AGMO: variants seen among roughly 807,000 people sequenced by gnomAD.
AGMO encodes the protein glyceryl-ether monooxygenase.
A neutral mutation model predicts 60.2 loss-of-function variants in AGMO; 75 were observed. The ratio of observed to expected loss-of-function variants is 1.25; its 90% CI spans 1.03 to 1.51. The LOEUF (loss-of-function observed/expected upper bound fraction) is 1.51. Among genes scored for constraint, AGMO ranks in the 40% most tolerant of loss-of-function variants. AGMO has a pLI of 0.00. For missense variants in AGMO, 763 were observed against 525.5 expected (o/e 1.45, Z -4.42); for synonymous variants, 261 against 177.1 (o/e 1.47, Z -3.76).
At chr7:15,466,421 A>G (rs1344587931) in intron 3 of AGMO, among the ~76,000 whole-genome samples, 1 of 152,182 alleles carries the variant, frequency 6.6e-6, no homozygotes, top group African/African-American at 2.4e-5. Context: ...TATATGCAAC[A>G]TATCACCGTG....
chr7:15,272,054 T>C (rs541167219), intron 12 of AGMO, among the ~76,000 whole-genome samples: 41 of 152,280 alleles, frequency 2.7e-4, no homozygotes, highest in African/African-American at 9.4e-4. Flanking sequence ...ATTATCTTTT[T>C]GATGTGCTAC....
chr7:15,499,133 T>C (rs986618023), intron 3 of AGMO, among the ~76,000 whole-genome samples: 18 of 151,858 alleles, frequency 1.2e-4, no homozygotes, highest in African/African-American at 4.3e-4. Flanking sequence ...TAGGGAATGA[T>C]AGATAAAAAC....
intron 8 of AGMO, among the ~76,000 whole-genome samples, chr7:15,388,762 T>C (rs188978978): frequency 4.6e-5 from 7 of 152,264 alleles, no homozygotes; most frequent in Admixed American, 2.6e-4. Context: ...TACCTGTATA[T>C]AAAGGAATGG....
the AGMO span, among the ~76,000 whole-genome samples, chr7:15,130,135 T>C: frequency 6.6e-6 from 1 of 152,138 alleles, no homozygotes; most frequent in African/African-American, 2.4e-5. Context: ...TATTTTATTA[T>C]AGTTAGCATA....
chr7:15,364,527 C>T (rs973608603), intron 12 of AGMO, among the ~76,000 whole-genome samples: 48 of 152,024 alleles, frequency 3.2e-4, no homozygotes, highest in Admixed American at 2.7e-3. Context: ...CCATTCATGG[C>T]CTTTAAGTTG....
rs114946894 is a variant in AGMO at position 15,529,176 on chromosome 7, G to A, written c.409+15596C>T. On this transcript the variant is annotated intron_variant, in intron 3 of 12. Coordinates refer to ENST00000342526, the MANE Select transcript of AGMO (RefSeq NM_001004320.2). ...AATCGATTTATTGCTCAATTTCTTA[G>A]GTATAATCATGGTGTTTTTAAAAGA... Among the ~76,000 whole-genome samples, 1,182 of 151,916 alleles carry A rather than the reference G, an allele frequency of 7.8e-3. 19 individuals are homozygous for A. Among genetic ancestry groups the A allele is most frequent in the African/African-American group, 0.027 (1,123 of 41,410 alleles).
intron 6 of AGMO, among the ~76,000 whole-genome samples, chr7:15,392,804 AAACAAAC>A (rs377197717): frequency 0.31 from 38,571 of 124,656 alleles, 5,535 homozygotes; most frequent in Middle Eastern, 0.46. Flanking sequence ...GTCTCAAAAC[AAACAAAC>A]AAACAAACAA....
chr7:15,448,343 G>C (rs1781759261), intron 3 of AGMO, among the ~76,000 whole-genome samples: 1 of 152,278 alleles, frequency 6.6e-6, no homozygotes, highest in African/African-American at 2.4e-5. Flanking sequence ...TGCCATATGA[G>C]TTTACAATGA....
chr7:15,201,096 C>G lies in AGMO; in HGVS notation c.*189G>C. 1 of 417,374 alleles carries G rather than the reference C, an allele frequency of 2.4e-6. No individual in the cohort carries two copies. Among genetic ancestry groups the G allele is most frequent in the East Asian group, 3.7e-5 (1 of 27,266 alleles). The allele number at this position is 417,374 out of a possible 1,614,324, so 25.9% of individuals were successfully genotyped here. On this transcript the variant is annotated 3_prime_UTR_variant, in exon 13 of 13. Coordinates refer to ENST00000342526, the MANE Select transcript of AGMO (RefSeq NM_001004320.2). ...AATTGTAGTAAAGGGGGGAAGTAAC[C>G]AAAACTGACTTTAATTTTTAATAGA... is the stretch of plus-strand genomic sequence containing the variant.
At position 15,443,823 on chromosome 7, in the gene AGMO, CCTT is replaced by C. The variant is rs1231453861; in HGVS notation, c.410-12718_410-12716del. On this transcript the variant is annotated intron_variant, in intron 3 of 12. Transcript: ENST00000342526. ...TATTGAAAAAAATCTGTATCTTCCT[CCTT>C]CTCATGTACTGTTCTCTGAGCTTTT... Among the ~76,000 whole-genome samples, 9 of 152,258 alleles carry C rather than the reference CCTT, an allele frequency of 5.9e-5. No homozygotes were observed. The South Asian group carries it at 6.2e-4, about 11-fold the overall frequency.
intron 3 of AGMO, among the ~76,000 whole-genome samples, chr7:15,531,631 T>TTCTATATATATTCTATATATATAC: frequency 8.0e-6 from 1 of 125,620 alleles, no homozygotes. Context: ...TATATATATA[T>TTCTATATATATTCTATATATATAC]TCTATATATA....
chr7:15,301,069 C>G (rs1013958114), intron 12 of AGMO, among the ~76,000 whole-genome samples: 1 of 152,064 alleles, frequency 6.6e-6, no homozygotes, highest in African/African-American at 2.4e-5. Flanking sequence ...TTTAAGAAAT[C>G]TTTTCTATAT....
chr7:15,354,203 CCCA>C (rs1313722240), intron 12 of AGMO, among the ~76,000 whole-genome samples: 1 of 150,292 alleles, frequency 6.7e-6, no homozygotes, highest in South Asian at 2.1e-4. Context: ...TCAACTTAGC[CCCA>C]CAACTCAGTC....
the AGMO span, among the ~76,000 whole-genome samples, chr7:15,126,530 G>A: frequency 2.0e-5 from 3 of 152,150 alleles, no homozygotes; most frequent in East Asian, 5.8e-4. Flanking sequence ...TAAACTTGCG[G>A]ACTAAGCTCT....
intron 3 of AGMO, among the ~76,000 whole-genome samples, chr7:15,443,277 GAAGCTGTAAA>G (rs2128502905): frequency 6.6e-6 from 1 of 152,292 alleles, no homozygotes; most frequent in Admixed American, 6.5e-5. Context: ...TGCGGCCTCA[GAAGCTGTAAA>G]CATTCACCCC....
At chr7:15,399,051 A>C (rs1450574799) in intron 5 of AGMO, among the ~76,000 whole-genome samples, 1 of 152,192 alleles carries the variant, frequency 6.6e-6, no homozygotes, top group Non-Finnish European at 1.5e-5. Flanking sequence ...AGGTATTTAT[A>C]AAGATCCCAG....
chr7:15,187,249 C>T, the AGMO span, among the ~76,000 whole-genome samples: 1 of 152,168 alleles, frequency 6.6e-6, no homozygotes, highest in Non-Finnish European at 1.5e-5. Flanking sequence ...GTTTATTCTA[C>T]ATAAAGCTTA....
the AGMO span, among the ~76,000 whole-genome samples, chr7:15,167,266 T>C: frequency 1.3e-5 from 2 of 152,196 alleles, no homozygotes; most frequent in African/African-American, 4.8e-5. Flanking sequence ...TTTGGTTATA[T>C]ATGGTGTTGA....
chr7:15,468,851 T>C (rs7812114), intron 3 of AGMO, among the ~76,000 whole-genome samples: 44,931 of 151,944 alleles, frequency 0.3, 7,223 homozygotes, highest in East Asian at 0.6. Flanking sequence ...AAATTTTGTT[T>C]TAATACTGTA....
Sources: allele counts gnomAD v4.1 joint callset (sites outside exome capture counted in the v4.1 genomes callset), GRCh38; gene constraint gnomAD v4.1.1; transcripts MANE v1.5; gene names NCBI Gene and HGNC (gene_info 2026-07-23, HGNC 2026-07-21).